Variants in GALNT8 observed in about 807,000 individuals in gnomAD.
The protein encoded by GALNT8 is polypeptide N-acetylgalactosaminyltransferase 8, also known as probable polypeptide N-acetylgalactosaminyltransferase 8.
Under a neutral mutation model 62.7 loss-of-function variants are expected in GALNT8, and 66 were observed. That is an observed-to-expected ratio of 1.05 (90% confidence interval 0.86 to 1.29). The LOEUF (loss-of-function observed/expected upper bound fraction) is 1.29. Among genes scored for constraint, GALNT8 ranks in the 50% most tolerant of loss-of-function variants. The pLI, the probability that GALNT8 is intolerant of heterozygous loss-of-function variation, is 0.00. For synonymous variants in GALNT8, 288 were observed against 294.3 expected (o/e 0.98, Z 0.22); for missense variants, 771 against 791.8 (o/e 0.97, Z 0.32).
At position 4,763,989 on chromosome 12, in the gene GALNT8, A is replaced by G; in HGVS notation, c.1535A>G (p.Gln512Arg). The change falls in exon 9 of 11, where the codon CAG becomes CGG. Residue 512 changes from glutamine to arginine, a missense_variant. Coordinates refer to ENST00000252318, the MANE Select transcript of GALNT8 (RefSeq NM_017417.2). ...TTGGATGAAAATGTCTGCTTGGATCAGGGACCCGTTCCAGGCAACACCCCC... is the reference window on the plus strand; with the variant it reads ...TTGGATGAAAATGTCTGCTTGGATCGGGGACCCGTTCCAGGCAACACCCCC... ...NLLDENVCLD[Q>R]GPVPGNTPIM... 1.9e-6 allele frequency: 3 copies of G among 1,597,624 alleles called. No individual in the cohort carries two copies. The highest frequency in any genetic ancestry group is 2.6e-6 in the Non-Finnish European group (3 of 1,164,714).
chr12:4,772,117 C>T (rs1412305676), intron 10 of GALNT8, among the ~76,000 whole-genome samples: 1 of 152,084 alleles, frequency 6.6e-6, no homozygotes, highest in Non-Finnish European at 1.5e-5. Context: ...GAGAGGAGGG[C>T]CAAGTTGAGA....
At chr12:4,722,675 C>T (rs1168306165) in intron 1 of GALNT8, among the ~76,000 whole-genome samples, 1 of 152,114 alleles carries the variant, frequency 6.6e-6, no homozygotes, top group Non-Finnish European at 1.5e-5. Flanking sequence ...AATGCTGGAA[C>T]CCCATAGGGA....
rs1946259872 is a variant in GALNT8 at position 4,739,242 on chromosome 12, A to G, written c.589A>G (p.Ile197Val). The change falls in exon 3 of 11, where the codon ATA (isoleucine) becomes GTA (valine). Residue 197 changes from isoleucine (I) to valine (V), a missense_variant. Transcript: ENST00000252318. ...ATTCGTGAATGAAGCTCTGTCCATTATACAACGGGCCATCACCAGTATCAT... is the reference window on the plus strand; with the variant it reads ...ATTCGTGAATGAAGCTCTGTCCATTGTACAACGGGCCATCACCAGTATCAT... Reference protein sequence around the residue: ...LIFVNEALSIIQRAITSIINR... With the variant: ...LIFVNEALSIVQRAITSIINR... 1.2e-6 allele frequency: 2 copies of G among 1,613,086 alleles called. No homozygotes were observed. The highest frequency in any genetic ancestry group is 3.3e-5 in the Admixed American group (2 of 60,008).
At chr12:4,763,898 C>G in intron 8 of GALNT8, 54 bp from the exon 9 acceptor site, 1 of 904,494 alleles carries the variant, frequency 1.1e-6, no homozygotes, top group South Asian at 1.3e-5. Flanking sequence ...GGAGGGATGG[C>G]GCCTCATTCT....
intron 6 of GALNT8, among the ~76,000 whole-genome samples, chr12:4,747,156 A>G (rs1363422499): frequency 1.3e-5 from 2 of 152,244 alleles, no homozygotes; most frequent in African/African-American, 4.8e-5. Flanking sequence ...AATGAATAAT[A>G]ATCATGTCAT....
chr12:4,742,384 G>A (rs1946275825), intron 3 of GALNT8, among the ~76,000 whole-genome samples: 1 of 152,156 alleles, frequency 6.6e-6, no homozygotes, highest in Non-Finnish European at 1.5e-5. Flanking sequence ...CAAGGTAGGT[G>A]GAATGCTGTA....
chr12:4,733,667 G>A (rs1435014509), intron 2 of GALNT8, among the ~76,000 whole-genome samples: 2 of 152,186 alleles, frequency 1.3e-5, no homozygotes, highest in Non-Finnish European at 2.9e-5. Context: ...AGGCTTTAAA[G>A]AATTTAAAGT....
intron 10 of GALNT8, among the ~76,000 whole-genome samples, chr12:4,771,780 G>C (rs1350880995): frequency 2.6e-5 from 4 of 152,176 alleles, no homozygotes; most frequent in African/African-American, 9.7e-5. Context: ...ACGGTAGTTT[G>C]GACAGATGGC....
At position 4,745,816 on chromosome 12, in the gene GALNT8, T is replaced by C. The variant is rs574671305; in HGVS notation, c.1058+190T>C. ...CCCAGTTAAGAAATCACAGACACTT[T>C]GGGATATTTAGGGACTTTCAGACAA... On this transcript the variant is annotated intron_variant, in intron 5 of 10. Transcript: ENST00000252318. Among the ~76,000 whole-genome samples the C allele has an allele frequency of 2.0e-4, 31 of 152,252 alleles. No individual in the cohort carries two copies. In the South Asian group the frequency reaches 6.4e-3, roughly 32 times the overall value.
At chr12:4,721,053 G>A (rs1946165664) in intron 1 of GALNT8, among the ~76,000 whole-genome samples, 165 bp downstream of exon 1, 1 of 152,082 alleles carries the variant, frequency 6.6e-6, no homozygotes, top group East Asian at 1.9e-4. Flanking sequence ...ATGGGAGATG[G>A]GTATTGAGAA....
intron 1 of GALNT8, among the ~76,000 whole-genome samples, chr12:4,723,923 G>T (rs1246268962): frequency 1.3e-5 from 2 of 151,872 alleles, no homozygotes; most frequent in Admixed American, 6.6e-5. Flanking sequence ...GGCCGAGGCG[G>T]GTGGATCACG....
rs764878560 is a variant in GALNT8 at position 4,744,676 on chromosome 12, C to G, written c.836C>G (p.Ala279Gly). Reference sequence around the variant, plus strand: ...GCAGACGTGGTCGCCATCTTGGATGCTCACATTGAAGTCAATGTTGGGTGG... The same window carrying G: ...GCAGACGTGGTCGCCATCTTGGATGGTCACATTGAAGTCAATGTTGGGTGG... ...ATADVVAILDAHIEVNVGWAE... is the reference protein window; with the variant it reads ...ATADVVAILDGHIEVNVGWAE... Residue 279 changes from alanine to glycine, a missense_variant, in exon 4 of 11, where the codon GCT (alanine) becomes GGT (glycine). Transcript: ENST00000252318. 6.2e-7 allele frequency: 1 copy of G among 1,612,158 alleles called. No individual in the cohort carries two copies. The highest frequency in any genetic ancestry group is 1.7e-5 in the Admixed American group (1 of 59,800).
intron 3 of GALNT8, among the ~76,000 whole-genome samples, chr12:4,743,992 T>G (rs1035111840): frequency 2.0e-5 from 3 of 152,208 alleles, no homozygotes; most frequent in African/African-American, 4.8e-5. Context: ...GCATAATTTT[T>G]GGGCTAAATT....
intron 9 of GALNT8, 143 bp from the exon 10 acceptor site, chr12:4,765,236 G>A: frequency 1.6e-6 from 1 of 639,108 alleles, no homozygotes; most frequent in Non-Finnish European, 2.6e-6. Flanking sequence ...ATGTTGTCCA[G>A]GAAGGTTCAG....
intron 6 of GALNT8, among the ~76,000 whole-genome samples, chr12:4,755,746 A>G (rs1370492253): frequency 6.6e-6 from 1 of 152,206 alleles, no homozygotes; most frequent in African/African-American, 2.4e-5. Context: ...AAAATAGAGA[A>G]ATTACAAGTG....
Position 4,763,371 on chromosome 12 carries a change from C to G in GALNT8, c.1478C>G (p.Thr493Ser). The G allele has an allele frequency of 4.3e-6, 7 of 1,612,638 alleles. No homozygotes were observed. In the South Asian group the frequency reaches 7.7e-5, roughly 18 times the overall value. Residue 493 changes from threonine to serine, a missense_variant, in exon 8 of 11, where the codon ACC (threonine) becomes AGC (serine). Transcript: ENST00000252318. ...TATCCACTCTTGAAGCCACTCCACA[C>G]CATCGTGGGCTATGGAAGAGTATGT... ...NVYPLLKPLH[T>S]IVGYGRMKNL... is the part of the protein sequence containing the mutation.
chr12:4,737,466 C>T (rs1946250738), intron 2 of GALNT8, among the ~76,000 whole-genome samples: 1 of 152,178 alleles, frequency 6.6e-6, no homozygotes, highest in East Asian at 1.9e-4. Flanking sequence ...AAATCTCCTC[C>T]TGCCTCTGGG....
intron 3 of GALNT8, among the ~76,000 whole-genome samples, chr12:4,741,230 A>G (rs535977139): frequency 6.6e-6 from 1 of 152,184 alleles, no homozygotes; most frequent in Non-Finnish European, 1.5e-5. Flanking sequence ...AAAAATACTT[A>G]TATTCATCCT....
At chr12:4,771,844 G>A (rs1488967885) in intron 10 of GALNT8, among the ~76,000 whole-genome samples, 1 of 152,146 alleles carries the variant, frequency 6.6e-6, no homozygotes, top group Non-Finnish European at 1.5e-5. Flanking sequence ...GGAGAGATTA[G>A]GTAATTTGCC....
Sources: gnomAD v4.1 joint callset for allele counts (sites outside exome capture counted in the v4.1 genomes callset) on GRCh38, gnomAD v4.1.1 for gene constraint, MANE v1.5 for transcripts, NCBI Gene and HGNC (gene_info 2026-07-23, HGNC 2026-07-21) for gene names.